The following RORA variants were observed in gnomAD, a reference collection of about 807,000 sequenced individuals.
RORA encodes RAR related orphan receptor A.
In RORA, 7 loss-of-function variants were observed where a neutral mutation model predicts 69.5. That is an observed-to-expected ratio of 0.10 (90% CI 0.06 to 0.19). The LOEUF (loss-of-function observed/expected upper bound fraction) is 0.19. Among genes scored for constraint, RORA ranks in the 10% least tolerant of loss-of-function variants. The pLI, the probability that RORA is intolerant of heterozygous loss-of-function variation, is 1.00. For missense variants in RORA, 457 were observed against 663.0 expected (o/e 0.69, Z 3.41); for synonymous variants, 261 against 240.8 (o/e 1.08, Z -0.78).
chr15:60,845,867 T>C (rs1224114754), intron 1 of RORA, among the ~76,000 whole-genome samples: 2 of 152,116 alleles, frequency 1.3e-5, no homozygotes, highest in Non-Finnish European at 2.9e-5. Flanking sequence ...CTACCTCAGC[T>C]TCCCGAGTAG....
intron 2 of RORA, among the ~76,000 whole-genome samples, chr15:60,564,485 T>C (rs1206886228): frequency 6.6e-6 from 1 of 152,204 alleles, no homozygotes; most frequent in Non-Finnish European, 1.5e-5. Context: ...CACTCTCATC[T>C]AGTTGCTTTT....
intron 1 of RORA, among the ~76,000 whole-genome samples, chr15:61,017,153 T>G (rs957433716): frequency 7.9e-5 from 12 of 152,152 alleles, no homozygotes; most frequent in Non-Finnish European, 1.8e-4. Flanking sequence ...ACGTTTTTAT[T>G]TATTGGCTTA....
intron 1 of RORA, among the ~76,000 whole-genome samples, chr15:61,152,131 A>G (rs188104228): frequency 6.6e-6 from 1 of 152,324 alleles, no homozygotes; most frequent in East Asian, 1.9e-4. Flanking sequence ...CTGGTGGAGA[A>G]TCATAAACCC....
intron 1 of RORA, among the ~76,000 whole-genome samples, chr15:60,686,472 G>C (rs1324842845): frequency 6.6e-6 from 1 of 152,198 alleles, no homozygotes; most frequent in Non-Finnish European, 1.5e-5. Flanking sequence ...TTGAGTGTCT[G>C]TATGGAAGAT....
chr15:60,897,670 T>A (rs981824979), intron 1 of RORA, among the ~76,000 whole-genome samples: 1 of 152,228 alleles, frequency 6.6e-6, no homozygotes, highest in Non-Finnish European at 1.5e-5. Flanking sequence ...GATTTCCCTA[T>A]GACATGTGAA....
At chr15:60,949,356 T>C (rs929829772) in intron 1 of RORA, among the ~76,000 whole-genome samples, 2 of 152,132 alleles carry the variant, frequency 1.3e-5, no homozygotes, top group Non-Finnish European at 2.9e-5. Context: ...TTCACACAGA[T>C]AAAACCTCTC....
At chr15:61,205,605 T>C (rs1470032731) in intron 1 of RORA, among the ~76,000 whole-genome samples, 3 of 152,064 alleles carry the variant, frequency 2.0e-5, no homozygotes, top group Non-Finnish European at 4.4e-5. Context: ...GGCAACAGGA[T>C]ACCTAAGGAA....
chr15:60,586,008 G>C (rs990142020), intron 2 of RORA, among the ~76,000 whole-genome samples: 1 of 152,040 alleles, frequency 6.6e-6, no homozygotes, highest in Non-Finnish European at 1.5e-5. Flanking sequence ...TCTGACATGC[G>C]GCAGAAAAAT....
chr15:60,726,532 C>T (rs149516988), intron 1 of RORA, among the ~76,000 whole-genome samples: 3 of 152,196 alleles, frequency 2.0e-5, no homozygotes. Context: ...GCTGGGCCAG[C>T]AGGACTCATT....
chr15:61,219,173 A>T (rs1319698213), intron 1 of RORA, among the ~76,000 whole-genome samples: 1 of 152,242 alleles, frequency 6.6e-6, no homozygotes, highest in Middle Eastern at 3.2e-3. Flanking sequence ...GGGTTAAAAA[A>T]TAACAATTAC....
chr15:61,124,081 G>A (rs1245834646), intron 1 of RORA, among the ~76,000 whole-genome samples: 2 of 152,216 alleles, frequency 1.3e-5, no homozygotes, highest in African/African-American at 4.8e-5. Flanking sequence ...CTAGCACAAT[G>A]CCAGCTCTGC....
rs757808898 is a variant in RORA at position 60,503,676 on chromosome 15, G to C, written c.943-9C>G. The C allele has an allele frequency of 1.9e-6, 3 of 1,613,394 alleles. No individual in the cohort carries two copies. In the East Asian group the frequency reaches 6.7e-5, roughly 36 times the overall value. On this transcript the variant is annotated splice_polypyrimidine_tract_variant and intron_variant, in intron 6 of 10. Coordinates refer to ENST00000335670, the MANE Select transcript of RORA (RefSeq NM_134261.3). ...CACATCACCTCCCGCTGCTGTTAAA[G>C]AGGGAAACACATTAACATCCTCCAG...
intron 1 of RORA, among the ~76,000 whole-genome samples, chr15:60,907,359 G>A (rs1192343474): frequency 6.6e-6 from 1 of 152,128 alleles, no homozygotes; most frequent in Non-Finnish European, 1.5e-5. Flanking sequence ...ACTTTCAAAA[G>A]TCAGTGGAAA....
intron 1 of RORA, chr15:60,765,454 G>T (rs2071973567): frequency 6.6e-6 from 1 of 152,030 alleles, no homozygotes. Context: ...TACAGCTTTT[G>T]AATGAAATTA....
chr15:61,083,058 TG>T (rs1363674496), intron 1 of RORA, among the ~76,000 whole-genome samples: 1 of 152,208 alleles, frequency 6.6e-6, no homozygotes, highest in Non-Finnish European at 1.5e-5. Context: ...AGCCCACATC[TG>T]AGACCACAAA....
intron 1 of RORA, among the ~76,000 whole-genome samples, chr15:60,961,222 T>A (rs1488530936): frequency 6.6e-6 from 1 of 152,180 alleles, no homozygotes; most frequent in Non-Finnish European, 1.5e-5. Context: ...TGGATTCTGA[T>A]TGGACTGTTA....
At chr15:60,553,986 A>G (rs558222010) in intron 2 of RORA, among the ~76,000 whole-genome samples, 1 of 152,322 alleles carries the variant, frequency 6.6e-6, no homozygotes, top group South Asian at 2.1e-4. Context: ...TCACATACAT[A>G]TAAAATAATC....
intron 1 of RORA, among the ~76,000 whole-genome samples, chr15:60,951,229 C>A (rs369382865): frequency 0.012 from 1,853 of 151,152 alleles, 21 homozygotes; most frequent in Middle Eastern, 0.031. Flanking sequence ...TAAAGATGTT[C>A]TTTGAAACCA....
chr15:60,676,475 A>C (rs1427211397), intron 2 of RORA, among the ~76,000 whole-genome samples: 1 of 152,202 alleles, frequency 6.6e-6, no homozygotes, highest in Admixed American at 6.5e-5. Flanking sequence ...TCCCCCAATC[A>C]TGAAAGTAAA....
Sources: allele counts gnomAD v4.1 joint callset (sites outside exome capture counted in the v4.1 genomes callset), GRCh38; gene constraint gnomAD v4.1.1; transcripts MANE v1.5; gene names NCBI Gene and HGNC (gene_info 2026-07-23, HGNC 2026-07-21).